LRRC45: variants seen among roughly 807,000 people sequenced by gnomAD.
LRRC45 encodes leucine rich repeat containing 45, also known as leucine-rich repeat-containing protein 45.
A neutral mutation model predicts 85.4 loss-of-function variants in LRRC45; 73 were observed. The observed-to-expected ratio is 0.85, with a 90% CI of 0.71 to 1.04. The LOEUF (loss-of-function observed/expected upper bound fraction) is 1.04, where lower values mean the gene tolerates loss of function less well. Among genes scored for constraint, LRRC45 ranks in the 50% least tolerant of loss-of-function variants. The pLI, the probability that LRRC45 is intolerant of heterozygous loss-of-function variation, is 0.00. For synonymous variants in LRRC45, 429 were observed against 386.0 expected (o/e 1.11, Z -1.31); for missense variants, 937 against 883.3 (o/e 1.06, Z -0.77).
chr17:82,025,708 G>A (rs933646695), intron 5 of LRRC45, among the ~76,000 whole-genome samples: 7 of 152,230 alleles, frequency 4.6e-5, no homozygotes, highest in African/African-American at 1.2e-4. Flanking sequence ...TGTCCGAGGC[G>A]CCCTGTGTAC....
In LRRC45 at chr17:82,030,334, G is replaced by A. The variant is rs2043407561; in HGVS notation, c.1684G>A (p.Asp562Asn). The A allele has an allele frequency of 6.5e-7, 1 of 1,549,702 alleles. No homozygotes were observed. The highest frequency in any genetic ancestry group is 8.7e-7 in the Non-Finnish European group (1 of 1,146,620). ...TGCCTGGCAGGAGCTGAGCCTCAAG[G>A]ACCAGGAAAGGGTGGCCGAGGTGAG... Reference protein sequence around the residue: ...EELQQELSLKDQERVAEVSRV... With the variant: ...EELQQELSLKNQERVAEVSRV... Residue 562 changes from aspartate to asparagine, a missense_variant, in exon 16 of 17, where the codon GAC becomes AAC. Physicochemically the swap from Asp to Asn is conservative, Grantham distance 23. Coordinates refer to ENST00000306688, the MANE Select transcript of LRRC45 (RefSeq NM_144999.4).
chr17:82,028,782 C>T (rs1307600787), intron 12 of LRRC45, 99 bp downstream of exon 12: 2 of 1,334,186 alleles, frequency 1.5e-6, no homozygotes, highest in South Asian at 2.7e-5. Context: ...CCCTTGCCAA[C>T]CTTGGGTCAC....
chr17:82,024,448 T>A, intron 2 of LRRC45, 109 bp downstream of exon 2: 1 of 1,299,172 alleles, frequency 7.7e-7, no homozygotes, highest in Non-Finnish European at 1.1e-6. Context: ...GGCTGGAAGC[T>A]GTCTGTGAGT....
intron 3 of LRRC45, 87 bp from the exon 4 acceptor site, chr17:82,024,913 A>AC: frequency 6.9e-7 from 1 of 1,443,664 alleles, no homozygotes; most frequent in Non-Finnish European, 9.2e-7. Flanking sequence ...GGCCCATCAG[A>AC]CCCCAAGCCC....
rs765230292 is a variant in LRRC45, at chr17:82,029,553, G to A, written c.1412G>A (p.Arg471Gln). Reference protein sequence around the residue: ...ARLSLEEELSRVKAAALSERG... With the variant: ...ARLSLEEELSQVKAAALSERG... Reference sequence around the variant, plus strand: ...TGGCCATCTGTGCAGGAGCTGAGCCGAGTGAAAGCAGCGGCACTCAGCGAG... The same window carrying A: ...TGGCCATCTGTGCAGGAGCTGAGCCAAGTGAAAGCAGCGGCACTCAGCGAG... Residue 471 changes from arginine to glutamine, a missense_variant, in exon 14 of 17, where the codon CGA becomes CAA. Arg to Gln is a conservative substitution (Grantham distance 43). Transcript: ENST00000306688. 2.0e-5 allele frequency: 31 copies of A among 1,572,574 alleles called. No homozygotes were observed. Among genetic ancestry groups the A allele is most frequent in the South Asian group, 1.2e-4 (10 of 85,570 alleles).
rs2043330341 is a variant in LRRC45 at position 82,023,373 on chromosome 17, A to C, written c.-271A>C. 2.2e-6 allele frequency: 1 copy of C among 460,986 alleles called. No individual in the cohort carries two copies. 28.6% of individuals were successfully genotyped at this position (460,986 alleles called of 1,614,324 possible). A position where few individuals can be genotyped will look rare whatever the true frequency, so the allele number is the denominator to read the frequency against. On this transcript the variant is annotated 5_prime_UTR_variant, in exon 1 of 17. Transcript: ENST00000306688. The stretch of plus-strand genomic sequence containing the variant: ...CGGGGGTCGGGGCTGCAGGCGGGGC[A>C]GGGCTGGGTGGGGGCGCGCGACGCA...
rs965755655 is a variant in LRRC45, at chr17:82,028,993, G to C, written c.1309-100G>C. 3 of 1,094,938 alleles carry C rather than the reference G, an allele frequency of 2.7e-6. No homozygotes were observed. The East Asian group carries it at 7.5e-5, about 27-fold the overall frequency. 67.8% of individuals were successfully genotyped at this position (1,094,938 alleles called of 1,614,324 possible). ...GCAGTGCTTTCTCAGAATGAACAAG[G>C]TTCTCAAGAGACACCTGCCTTTCAG... On this transcript the variant is annotated intron_variant, in intron 12 of 16. Transcript: ENST00000306688.
chr17:82,026,817 T>G (rs953111216), intron 5 of LRRC45, 82 bp from the exon 6 acceptor site: 6 of 1,094,846 alleles, frequency 5.5e-6, no homozygotes, highest in Admixed American at 2.0e-5. Context: ...TGACCTCAGG[T>G]GATCCACCCA....
rs1188307431 is a variant in LRRC45 at position 82,024,304 on chromosome 17, T to C, written c.247T>C (p.Cys83Arg). The C allele has an allele frequency of 1.2e-6, 2 of 1,612,472 alleles. No homozygotes were observed. The highest frequency in any genetic ancestry group is 3.3e-5 in the Admixed American group (2 of 60,010). ...GGCCACACTGCTGCTCCGAGGCCTG[T>C]GTGCCAACACCGTGCTGCGCTTTCT... ...EGATLLLRGL[C>R]ANTVLRFLDL... The change falls in exon 2 of 17, where the codon TGT becomes CGT. Residue 83 changes from cysteine (C) to arginine (R), a missense_variant. Coordinates refer to ENST00000306688, the MANE Select transcript of LRRC45 (RefSeq NM_144999.4).
At chr17:82,028,872 T>C (rs1387111070) in intron 12 of LRRC45, 189 bp downstream of exon 12, 5 of 756,872 alleles carry the variant, frequency 6.6e-6, no homozygotes, top group East Asian at 2.7e-5. Flanking sequence ...ACCCCGGCAA[T>C]GTCTGAGCCG....
At position 82,023,789 on chromosome 17, in the gene LRRC45, C is replaced by T. The variant is rs751451073; in HGVS notation, c.146C>T (p.Ala49Val). 3 of 1,567,184 alleles carry T rather than the reference C, an allele frequency of 1.9e-6. No homozygotes were observed. The highest frequency in any genetic ancestry group is 2.6e-6 in the Non-Finnish European group (3 of 1,158,716). ...AGCCTGACGGTGGAGACCTGCAGGG[C>T]CCTGGGCAAGCTGCTGCCGAGGGAG... ...TQSLTVETCR[A>V]LGKLLPRETL... is the part of the protein sequence containing the mutation. Residue 49 changes from alanine to valine, a missense_variant, in exon 1 of 17, where the codon GCC becomes GTC. Transcript: ENST00000306688.
rs1356005827 is a variant in LRRC45, at chr17:82,023,880, G to T, written c.220+17G>T. 3 of 1,545,676 alleles carry T rather than the reference G, an allele frequency of 1.9e-6. No homozygotes were observed. The highest frequency in any genetic ancestry group is 1.7e-6 in the Non-Finnish European group (2 of 1,147,084). ...GCGAGGAAGGTGGGCAGGCGCGGCG[G>T]GGTGGATCCCTCTGCTCCTTAGCTG... On this transcript the variant is annotated intron_variant, in intron 1 of 16. Transcript: ENST00000306688.
chr17:82,024,547 C>G (rs914369159), intron 2 of LRRC45, 146 bp from the exon 3 acceptor site: 3 of 1,073,576 alleles, frequency 2.8e-6, no homozygotes, highest in Non-Finnish European at 4.1e-6. Flanking sequence ...TTGGAAGCCC[C>G]CTGAAGACAG....
chr17:82,023,948 G>C, intron 1 of LRRC45, 85 bp downstream of exon 1: 2 of 1,297,070 alleles, frequency 1.5e-6, no homozygotes, highest in Non-Finnish European at 2.1e-6. Flanking sequence ...TTCCTCTCCA[G>C]GCTCTCCAAT....
In LRRC45 at chr17:82,028,648, A is replaced by T; in HGVS notation, c.1273A>T (p.Ser425Cys). 6.2e-7 allele frequency: 1 copy of T among 1,612,956 alleles called. No homozygotes were observed. Among genetic ancestry groups the T allele is most frequent in the Non-Finnish European group, 8.5e-7 (1 of 1,179,942 alleles). The change falls in exon 12 of 17, where the codon AGC becomes TGC. Residue 425 changes from serine to cysteine, a missense_variant. Physicochemically the swap from Ser to Cys is moderately radical, Grantham distance 112. Coordinates refer to ENST00000306688, the MANE Select transcript of LRRC45 (RefSeq NM_144999.4). ...CATGGAGAAGAGAAGATGCAGACAG[A>T]GCCTGGAGGACTCCGAAAGCCTGCG... ...LDMEKRRCRQ[S>C]LEDSESLRIK...
At position 82,030,084 on chromosome 17, in the gene LRRC45, T is replaced by C; in HGVS notation, c.1514T>C (p.Leu505Pro). 1 of 1,546,004 alleles carries C rather than the reference T, an allele frequency of 6.5e-7. No individual in the cohort carries two copies. The highest frequency in any genetic ancestry group is 8.7e-7 in the Non-Finnish European group (1 of 1,147,020). Reference protein sequence around the residue: ...RLEEQQRLAHLEDKLRLLAQA... With the variant: ...RLEEQQRLAHPEDKLRLLAQA... ...TCACAGCAACAGCGCCTGGCTCACC[T>C]GGAGGACAAGCTGAGACTGCTGGCG... Residue 505 changes from leucine (L) to proline (P), a missense_variant, in exon 15 of 17, where the codon CTG becomes CCG. Coordinates refer to ENST00000306688, the MANE Select transcript of LRRC45 (RefSeq NM_144999.4).
In LRRC45 at chr17:82,028,110, AC is replaced by A. The variant is rs1568015380; in HGVS notation, c.1012del (p.Gln338ArgfsTer39). The A allele has an allele frequency of 6.3e-7, 1 of 1,576,314 alleles. No individual in the cohort carries two copies. The highest frequency in any genetic ancestry group is 8.6e-7 in the Non-Finnish European group (1 of 1,162,148). ...TAEQEQLSLS[Q>X]RQAKELKLEQ... ...CGGAGCAGGAGCAGCTGAGCCTGTCACAGAGGCAGGCCAAGGAGCTCAAGCT... is the reference window on the plus strand; with the variant it reads ...CGGAGCAGGAGCAGCTGAGCCTGTCAAGAGGCAGGCCAAGGAGCTCAAGCT... On this transcript the variant is annotated frameshift_variant, in exon 9 of 17. Coordinates refer to ENST00000306688, the MANE Select transcript of LRRC45 (RefSeq NM_144999.4). LOFTEE classifies it high-confidence loss of function.
chr17:82,025,649 C>T, intron 5 of LRRC45, 142 bp downstream of exon 5: 5 of 1,086,626 alleles, frequency 4.6e-6, no homozygotes, highest in Non-Finnish European at 4.9e-6. Flanking sequence ...GCGGAGGGGT[C>T]GTGGGGCACC....
intron 1 of LRRC45, 25 bp downstream of exon 1, chr17:82,023,888 C>T: frequency 6.5e-7 from 1 of 1,538,554 alleles, no homozygotes; most frequent in Non-Finnish European, 8.8e-7. Context: ...CGGGGTGGAT[C>T]CCTCTGCTCC....
Sources: gnomAD v4.1 joint callset for allele counts (sites outside exome capture counted in the v4.1 genomes callset) on GRCh38, gnomAD v4.1.1 for gene constraint, MANE v1.5 for transcripts, NCBI Gene and HGNC (gene_info 2026-07-23, HGNC 2026-07-21) for gene names.